LAMB1: variants seen among roughly 807,000 people sequenced by gnomAD.
LAMB1 encodes laminin subunit beta 1.
Under a neutral mutation model 222.3 loss-of-function variants are expected in LAMB1, and 121 were observed. The ratio of observed to expected loss-of-function variants is 0.54; its 90% confidence interval spans 0.47 to 0.63. The LOEUF is 0.63. LAMB1 is among the 30% of genes least tolerant of loss of function. The pLI is 0.00. For missense variants in LAMB1, 2,172 were observed against 2,240.8 expected (o/e 0.97, Z 0.62); for synonymous variants, 794 against 807.2 (o/e 0.98, Z 0.28).
chr7:107,933,549 A>G (rs1562975392), intron 27 of LAMB1, among the ~76,000 whole-genome samples: 1 of 152,180 alleles, frequency 6.6e-6, no homozygotes. Flanking sequence ...TCTAAAAACA[A>G]TCTGACAGCA....
At chr7:108,002,016 C>G in intron 2 of LAMB1, 4 of 1,446,362 alleles carry the variant, frequency 2.8e-6, no homozygotes, top group Non-Finnish European at 3.6e-6. Context: ...CGCGCCCACC[C>G]TGATCAGCCC....
intron 31 of LAMB1, among the ~76,000 whole-genome samples, chr7:107,928,336 A>T (rs1487801119): frequency 3.9e-5 from 6 of 152,196 alleles, no homozygotes; most frequent in African/African-American, 1.2e-4. Context: ...GTTCTCCCAT[A>T]GTTTCCAAAA....
Position 107,980,713 on chromosome 7 carries a change from A to G in LAMB1, c.775T>C (p.Tyr259His). 1.9e-6 allele frequency: 3 copies of G among 1,613,600 alleles called. No homozygotes were observed. Among genetic ancestry groups the G allele is most frequent in the Non-Finnish European group, 2.5e-6 (3 of 1,179,502 alleles). ...DSRMEIREKY[Y>H]YAVYDMVVRG... is the part of the protein sequence containing the mutation. Reference sequence around the variant, plus strand: ...ACCACCATATCATAAACTGCATAATAATACTTTTCTCTGATTTCCATCCTG... The same window carrying G: ...ACCACCATATCATAAACTGCATAATGATACTTTTCTCTGATTTCCATCCTG... The change falls in exon 8 of 34, where the codon TAT (tyrosine) becomes CAT (histidine). Residue 259 changes from tyrosine (Y) to histidine (H), a missense_variant. Transcript: ENST00000222399.
At chr7:108,002,760 G>T in intron 2 of LAMB1, 89 bp downstream of exon 2, 1 of 1,563,850 alleles carries the variant, frequency 6.4e-7, no homozygotes, top group Non-Finnish European at 8.7e-7. Flanking sequence ...AAGCCCCCAG[G>T]ATCCCACGAA....
intron 2 of LAMB1, chr7:108,001,945 A>G: frequency 6.9e-7 from 1 of 1,454,890 alleles, no homozygotes; most frequent in Non-Finnish European, 9.1e-7. Context: ...AAAGAAACCC[A>G]CACACGTCAT....
chr7:107,952,425 T>C (rs542146664), intron 22 of LAMB1, among the ~76,000 whole-genome samples: 2 of 152,354 alleles, frequency 1.3e-5, no homozygotes, highest in African/African-American at 2.4e-5. Context: ...AGTTCTGACA[T>C]TTCCCAGATA....
intron 17 of LAMB1, 39 bp from the exon 18 acceptor site, chr7:107,960,688 G>A (rs140413263): frequency 6.4e-7 from 1 of 1,565,028 alleles, no homozygotes; most frequent in Non-Finnish European, 8.8e-7. Context: ...CCTTACAGTG[G>A]TGCCCCATGG....
chr7:107,954,549 T>C (rs1176393383), intron 21 of LAMB1, among the ~76,000 whole-genome samples: 2 of 151,854 alleles, frequency 1.3e-5, no homozygotes, highest in African/African-American at 4.8e-5. Context: ...CCGAGGTGGG[T>C]GGATCACGAA....
intron 24 of LAMB1, among the ~76,000 whole-genome samples, chr7:107,946,409 G>A (rs1020465581): frequency 2.0e-5 from 3 of 152,206 alleles, no homozygotes; most frequent in African/African-American, 7.2e-5. Flanking sequence ...TCTAGCACAG[G>A]GGTCATCAAG....
intron 7 of LAMB1, among the ~76,000 whole-genome samples, chr7:107,983,219 C>T (rs2034008314): frequency 6.6e-6 from 1 of 152,130 alleles, no homozygotes; most frequent in South Asian, 2.1e-4. Flanking sequence ...ATTTTTCTGG[C>T]AATATTCCCT....
At chr7:107,999,147 C>T (rs192884029) in intron 3 of LAMB1, among the ~76,000 whole-genome samples, 137 of 152,250 alleles carry the variant, frequency 9.0e-4, no homozygotes, top group African/African-American at 3.1e-3. Context: ...TTCAAAGAAC[C>T]CCAACATGGG....
chr7:107,987,879 G>A (rs182024784), intron 5 of LAMB1, among the ~76,000 whole-genome samples: 1 of 152,212 alleles, frequency 6.6e-6, no homozygotes, highest in South Asian at 2.1e-4. Context: ...GAAGAGGTTG[G>A]TCGGGGCAGG....
chr7:107,926,105 C>T, intron 32 of LAMB1, 78 bp downstream of exon 32: 1 of 1,104,564 alleles, frequency 9.1e-7, no homozygotes, highest in South Asian at 1.4e-5. Flanking sequence ...GGTCCATGTC[C>T]CTTACTCTAA....
intron 23 of LAMB1, among the ~76,000 whole-genome samples, 166 bp downstream of exon 23, chr7:107,951,843 G>A (rs1420579387): frequency 1.3e-5 from 2 of 152,202 alleles, no homozygotes; most frequent in Non-Finnish European, 2.9e-5. Context: ...TGGGGACTCT[G>A]TGCACAGTTA....
In LAMB1 at chr7:107,986,098, A is replaced by T; in HGVS notation, c.613-13T>A. On this transcript the variant is annotated splice_polypyrimidine_tract_variant and intron_variant, in intron 6 of 33. Coordinates refer to ENST00000222399, the MANE Select transcript of LAMB1 (RefSeq NM_002291.3). ...CACGAAATATCACCTAAAAATGGAA[A>T]CAAGAGTAATTGGTACTTCTGCAAT... 4 of 1,612,378 alleles carry T rather than the reference A, an allele frequency of 2.5e-6. No individual in the cohort carries two copies. The highest frequency in any genetic ancestry group is 3.4e-6 in the Non-Finnish European group (4 of 1,178,354).
At chr7:108,002,602 C>T (rs1277582019) in intron 2 of LAMB1, among the ~76,000 whole-genome samples, 2 of 152,142 alleles carry the variant, frequency 1.3e-5, no homozygotes, top group African/African-American at 4.8e-5. Flanking sequence ...GAGCGGGGGC[C>T]GCGGGAGGCC....
At position 107,986,014 on chromosome 7, in the gene LAMB1, G is replaced by A; in HGVS notation, c.676+8C>T. On this transcript the variant is annotated splice_region_variant and intron_variant, in intron 7 of 33. Coordinates refer to ENST00000222399, the MANE Select transcript of LAMB1 (RefSeq NM_002291.3). ...ACAAAAAACACTTTTGTTTGAAAAT[G>A]AACTTACTCTGTATCCTTGGGCTAT... 6.3e-7 allele frequency: 1 copy of A among 1,591,544 alleles called. No individual in the cohort carries two copies. Among genetic ancestry groups the A allele is most frequent in the Non-Finnish European group, 8.6e-7 (1 of 1,160,846 alleles).
intron 5 of LAMB1, among the ~76,000 whole-genome samples, chr7:107,987,666 A>G (rs1416642252): frequency 6.6e-6 from 1 of 152,108 alleles, no homozygotes; most frequent in Non-Finnish European, 1.5e-5. Flanking sequence ...ACGCCTGGCT[A>G]ATTTTTCTAT....
chr7:107,926,698 T>C (rs770390928), intron 31 of LAMB1, among the ~76,000 whole-genome samples: 2 of 152,190 alleles, frequency 1.3e-5, no homozygotes, highest in Non-Finnish European at 2.9e-5. Flanking sequence ...AAACTTTGGC[T>C]AAAGAACATT....
Sources: allele counts gnomAD v4.1 joint callset (sites outside exome capture counted in the v4.1 genomes callset), GRCh38; gene constraint gnomAD v4.1.1; transcripts MANE v1.5; gene names NCBI Gene and HGNC (gene_info 2026-07-23, HGNC 2026-07-21).